The following MGST1 variants were observed in gnomAD, a reference collection of about 807,000 sequenced individuals.
MGST1 encodes glutathione S-transferase 12.
In MGST1, 5 loss-of-function variants were observed where a neutral mutation model predicts 8.9. That is an observed-to-expected ratio of 0.56 (90% confidence interval 0.29 to 1.19). The LOEUF (loss-of-function observed/expected upper bound fraction) is 1.19. MGST1 is among the 50% of genes most tolerant of loss of function. MGST1 has a pLI of 0.08. For missense variants in MGST1, 182 were observed against 187.4 expected, an observed-to-expected ratio of 0.97 and a Z score of 0.17; for synonymous variants, 54 against 67.8, an observed-to-expected ratio of 0.80 and a Z score of 1.00.
Position 16,489,134 on chromosome 12 carries a change from A to ATAAATAAAT in MGST1, n.483-100394_483-100393insTAAATAAAT, listed in dbSNP as rs558083535. Among the ~76,000 whole-genome samples the ATAAATAAAT allele has an allele frequency of 9.3e-4, 142 of 152,190 alleles. 1 individual carries two copies. Among genetic ancestry groups the ATAAATAAAT allele is most frequent in the African/African-American group, 3.3e-3 (137 of 41,502 alleles). On this transcript the variant is annotated intron_variant and non_coding_transcript_variant, in intron 4 of 4. Coordinates refer to the MGST1 transcript ENST00000538857. ...TCAAAATAAATAAATAAATAAATAA[A>ATAAATAAAT]AAATAAATAGGTAAATACTTATTGA...
At chr12:16,444,427 A>T (rs1408928099) in intron 4 of MGST1, among the ~76,000 whole-genome samples, 2 of 151,758 alleles carry the variant, frequency 1.3e-5, no homozygotes, top group Admixed American at 6.6e-5. Flanking sequence ...AACTCACAAT[A>T]CTTTTTCCTT....
chr12:16,478,797 T>A (rs893112028), intron 4 of MGST1, among the ~76,000 whole-genome samples: 4 of 152,130 alleles, frequency 2.6e-5, no homozygotes, highest in African/African-American at 9.7e-5. Flanking sequence ...CTCTTAAATG[T>A]TTTTTTAGTT....
chr12:16,441,688 T>TAATACTCCA (rs926265856), downstream of MGST1, among the ~76,000 whole-genome samples: 1 of 151,862 alleles, frequency 6.6e-6, no homozygotes, highest in African/African-American at 2.4e-5. Context: ...TAGTGCTGAA[T>TAATACTCCA]AATACTCCAT....
At chr12:16,438,284 T>C (rs557537607) in exon 2 of MGST1, 14 of 152,058 alleles carry the variant, frequency 9.2e-5, no homozygotes, top group Middle Eastern at 3.4e-3. Flanking sequence ...AAGCAAAATA[T>C]GCTTTACAAT....
At position 16,555,076 on chromosome 12, in the gene MGST1, A is replaced by C. The variant is rs1942144911; in HGVS notation, n.483-34452A>C. Among the ~76,000 whole-genome samples the C allele has an allele frequency of 6.6e-6, 1 of 152,230 alleles. No individual in the cohort carries two copies. The highest frequency in any genetic ancestry group is 2.1e-4 in the South Asian group (1 of 4,824). Reference sequence around the variant, plus strand: ...AAATGAAGCTAATAACTACCTATTTATGGGATATTTTGAGTATTAAACGAA... The same window carrying C: ...AAATGAAGCTAATAACTACCTATTTCTGGGATATTTTGAGTATTAAACGAA... On this transcript the variant is annotated intron_variant and non_coding_transcript_variant, in intron 4 of 4. Coordinates refer to the MGST1 transcript ENST00000538857. The surrounding 1 kb of genome is among the most constrained non-coding windows in gnomAD (Gnocchi z 5.5).
chr12:16,442,626 A>G (rs1941048093), downstream of MGST1, among the ~76,000 whole-genome samples: 1 of 151,706 alleles, frequency 6.6e-6, no homozygotes, highest in Non-Finnish European at 1.5e-5. The surrounding 1 kb of genome is among the most constrained non-coding windows in gnomAD (Gnocchi z 4.5). Context: ...TGGGATCTGC[A>G]CTCTTTATTC....
rs535011737 is a variant in MGST1 at position 16,547,291 on chromosome 12, A to C, written n.483-42237A>C. ...AGAGGCAGCTTCATTTATAACCGCT[A>C]TTTCAACAGAGCTCTATTGTAATCA... is the stretch of plus-strand genomic sequence containing the variant. On this transcript the variant is annotated intron_variant and non_coding_transcript_variant, in intron 4 of 4. Coordinates refer to the MGST1 transcript ENST00000538857. This position sits in a 1 kb window ranked among gnomAD's most constrained non-coding sequence, Gnocchi z 4.6. Among the ~76,000 whole-genome samples, 1 of 152,288 alleles carries C rather than the reference A, an allele frequency of 6.6e-6. No individual in the cohort carries two copies. The highest frequency in any genetic ancestry group is 2.1e-4 in the South Asian group (1 of 4,830).
chr12:16,414,158 GC>G (rs1940765328), intron 1 of MGST1, among the ~76,000 whole-genome samples: 1 of 151,624 alleles, frequency 6.6e-6, no homozygotes, highest in Admixed American at 6.6e-5. Flanking sequence ...TAGCTTTCAT[GC>G]TCTCTTTATT....
At chr12:16,356,869 T>C (rs920391350) in intron 2 of MGST1, among the ~76,000 whole-genome samples, 1 of 152,224 alleles carries the variant, frequency 6.6e-6, no homozygotes, top group Non-Finnish European at 1.5e-5. Flanking sequence ...TTCTTGCCTG[T>C]TCTCTAAAAC....
intron 3 of MGST1, among the ~76,000 whole-genome samples, chr12:16,371,345 C>A (rs1940289638): frequency 1.3e-5 from 2 of 152,110 alleles, no homozygotes; most frequent in South Asian, 4.1e-4. Flanking sequence ...ATGTGCCCAG[C>A]ACTATTCTAG....
At chr12:16,553,342 A>G (rs1438465067) in intron 4 of MGST1, among the ~76,000 whole-genome samples, 1 of 152,176 alleles carries the variant, frequency 6.6e-6, no homozygotes, top group Non-Finnish European at 1.5e-5. Flanking sequence ...TGCAGGCTAC[A>G]AGAATAATGT....
intron 3 of MGST1, among the ~76,000 whole-genome samples, chr12:16,358,779 C>CTTTTTTTTTTTTTTTT (rs35081887): frequency 5.2e-5 from 3 of 57,582 alleles, no homozygotes; most frequent in African/African-American, 7.0e-5. Flanking sequence ...AAATTCATTC[C>CTTTTTTTTTTTTTTTT]TTTTTTTTTT....
intron 3 of MGST1, among the ~76,000 whole-genome samples, chr12:16,372,130 T>A (rs993095065): frequency 2.0e-5 from 3 of 152,054 alleles, no homozygotes; most frequent in Non-Finnish European, 4.4e-5. Flanking sequence ...CTGGCAAAGA[T>A]TTCTTGACTA....
Position 16,399,579 on chromosome 12 carries a change from G to A in MGST1, n.778+15975G>A, listed in dbSNP as rs546501133. The A allele has an allele frequency of 3.1e-6, 5 of 1,602,634 alleles. No homozygotes were observed. In the South Asian group the frequency reaches 5.5e-5, roughly 18 times the overall value. On this transcript the variant is annotated intron_variant and non_coding_transcript_variant, in intron 1 of 1. Coordinates refer to the MGST1 transcript ENST00000359720. ...CTCTTCCTCTTCATAGTCATCTTCT[G>A]AAGGATTAAAAGTCTCATCTTCAAT...
At chr12:16,391,315 T>G (rs1256445712) in intron 1 of MGST1, among the ~76,000 whole-genome samples, 4 of 150,336 alleles carry the variant, frequency 2.7e-5, no homozygotes, top group Non-Finnish European at 5.9e-5. Flanking sequence ...CCCCTTTCCC[T>G]TTCCCCCCAC....
chr12:16,577,267 C>T lies in MGST1; in HGVS notation n.483-12261C>T, dbSNP rs987764250. On this transcript the variant is annotated intron_variant and non_coding_transcript_variant, in intron 4 of 4. Coordinates refer to the MGST1 transcript ENST00000538857. ...AACACCCACCTGAATTCTGAAAGGC[C>T]GTAAACTTTCTTCTTTTTAGGATCA... 2.0e-5 allele frequency among the ~76,000 whole-genome samples: 3 copies of T among 152,190 alleles called. No homozygotes were observed. The East Asian group carries it at 5.8e-4, about 29-fold the overall frequency.
At chr12:16,522,142 A>C (rs1340547010) in intron 4 of MGST1, among the ~76,000 whole-genome samples, 1 of 152,150 alleles carries the variant, frequency 6.6e-6, no homozygotes, top group African/African-American at 2.4e-5. Context: ...AAGCGCTCGT[A>C]CATAGGTTTT....
intron 4 of MGST1, among the ~76,000 whole-genome samples, chr12:16,541,492 A>G (rs903556056): frequency 2.0e-5 from 3 of 152,146 alleles, no homozygotes; most frequent in East Asian, 1.9e-4. Context: ...CCTTTTTCCT[A>G]TATTGTTTTA....
intron 4 of MGST1, among the ~76,000 whole-genome samples, chr12:16,453,047 C>T (rs1941142590): frequency 6.6e-6 from 1 of 151,880 alleles, no homozygotes; most frequent in African/African-American, 2.4e-5. Flanking sequence ...TGAAGGAAAA[C>T]ACTAAAAGAA....
Sources: gnomAD v4.1 joint callset for allele counts (sites outside exome capture counted in the v4.1 genomes callset) on GRCh38, gnomAD v4.1.1 for gene constraint, Gnocchi (gnomAD v3.1) non-coding constraint, MANE v1.5 for transcripts, NCBI Gene and HGNC (gene_info 2026-07-23, HGNC 2026-07-21) for gene names.